Variants in JMY observed in about 807,000 individuals in gnomAD.
JMY encodes the protein junction-mediating and -regulatory protein.
Under a neutral mutation model 103.3 loss-of-function variants are expected in JMY, and 46 were observed. That is an observed-to-expected ratio of 0.45 (90% CI 0.35 to 0.57). The LOEUF (loss-of-function observed/expected upper bound fraction) is 0.57. Among genes scored for constraint, JMY ranks in the 20% least tolerant of loss-of-function variants. JMY has a pLI of 0.00. For synonymous variants in JMY, 526 were observed against 489.3 expected (o/e 1.07, Z -0.99); for missense variants, 1,238 against 1,255.2 (o/e 0.99, Z 0.21).
At chr5:79,310,218 A>C (rs1328231814) in intron 7 of JMY, among the ~76,000 whole-genome samples, 3 of 151,420 alleles carry the variant, frequency 2.0e-5, no homozygotes, top group African/African-American at 7.3e-5. Flanking sequence ...ACATGCCACC[A>C]CACCTGGCTA....
At chr5:79,317,538 A>G (rs1453556735) in intron 10 of JMY, among the ~76,000 whole-genome samples, 1 of 152,236 alleles carries the variant, frequency 6.6e-6, no homozygotes, top group Non-Finnish European at 1.5e-5. Flanking sequence ...TAAAATTTAT[A>G]GAGTATACAA....
At position 79,323,436 on chromosome 5, in the gene JMY, C is replaced by CTAT. The variant is rs1281615259; in HGVS notation, c.*1836_*1838dup. 1 of 152,128 alleles carries CTAT rather than the reference C, an allele frequency of 6.6e-6. No individual in the cohort carries two copies. Among genetic ancestry groups the CTAT allele is most frequent in the African/African-American group, 2.4e-5 (1 of 41,430 alleles). The allele number at this position is 152,128 out of a possible 1,614,324, so 9.4% of individuals were successfully genotyped here. A position where few individuals can be genotyped will look rare whatever the true frequency, so the allele number is the denominator to read the frequency against. On this transcript the variant is annotated 3_prime_UTR_variant, in exon 11 of 11. Coordinates refer to ENST00000396137, the MANE Select transcript of JMY (RefSeq NM_152405.5). ...ACAGCATGGGGGTGGTGATAGTGTC[C>CTAT]TATTTGCCCTTGGTAAAATATTAAA...
chr5:79,263,390 T>C (rs775587184), intron 1 of JMY, among the ~76,000 whole-genome samples: 24 of 151,864 alleles, frequency 1.6e-4, no homozygotes, highest in Non-Finnish European at 3.4e-4. Flanking sequence ...TACAAACAGG[T>C]TTTTTGATTT....
intron 7 of JMY, among the ~76,000 whole-genome samples, chr5:79,311,961 C>CAT (rs1258966104): frequency 4.6e-5 from 7 of 152,074 alleles, no homozygotes; most frequent in African/African-American, 1.7e-4. Flanking sequence ...GGATTACAGG[C>CAT]ATGCATCACC....
intron 7 of JMY, among the ~76,000 whole-genome samples, chr5:79,311,351 G>A (rs908261454): frequency 2.0e-5 from 3 of 152,040 alleles, no homozygotes; most frequent in Non-Finnish European, 4.4e-5. Flanking sequence ...TCTTGTTAGA[G>A]TTTATGATAC....
At position 79,292,587 on chromosome 5, in the gene JMY, C is replaced by T. The variant is rs574277622; in HGVS notation, c.1527+1288C>T. 2.0e-5 allele frequency among the ~76,000 whole-genome samples: 3 copies of T among 152,280 alleles called. No individual in the cohort carries two copies. The South Asian group carries it at 6.2e-4, about 32-fold the overall frequency. On this transcript the variant is annotated intron_variant, in intron 4 of 10. Coordinates refer to ENST00000396137, the MANE Select transcript of JMY (RefSeq NM_152405.5). ...CCTTCTGCATCTGTCTCCCAAGGTG[C>T]TGGAGTTAAGGTCCATGCCCAGCCC...
intron 1 of JMY, among the ~76,000 whole-genome samples, chr5:79,257,402 A>G (rs1231068754): frequency 3.9e-5 from 6 of 152,168 alleles, no homozygotes; most frequent in Non-Finnish European, 8.8e-5. Flanking sequence ...CAAGAGTTCA[A>G]GAGCAGCGTG....
intron 1 of JMY, among the ~76,000 whole-genome samples, chr5:79,254,086 A>G (rs1474156042): frequency 5.3e-5 from 8 of 150,324 alleles, no homozygotes; most frequent in African/African-American, 2.0e-4. Flanking sequence ...TAGCTGGATT[A>G]CAGGTGCCCA....
chr5:79,252,652 C>T (rs1012875925), intron 1 of JMY, among the ~76,000 whole-genome samples: 1 of 152,106 alleles, frequency 6.6e-6, no homozygotes, highest in African/African-American at 2.4e-5. Context: ...GTGTTAGGTG[C>T]ATATATATTT....
chr5:79,300,407 C>A, intron 5 of JMY, 89 bp downstream of exon 5: 1 of 1,321,268 alleles, frequency 7.6e-7, no homozygotes, highest in Non-Finnish European at 1.0e-6. Flanking sequence ...TTTGTTAAGA[C>A]ATTTAAAAAA....
At chr5:79,318,798 AGAGAGG>A (rs1294096708) in intron 10 of JMY, among the ~76,000 whole-genome samples, 1,204 of 22,238 alleles carry the variant, frequency 0.054, 19 homozygotes, top group African/African-American at 0.27. Flanking sequence ...AGAGAGAGAG[AGAGAGG>A]GATGCATATC....
intron 1 of JMY, among the ~76,000 whole-genome samples, chr5:79,270,468 T>C (rs1461905856): frequency 2.7e-5 from 2 of 73,450 alleles, no homozygotes; most frequent in Admixed American, 1.5e-4. Flanking sequence ...ATATTTAAAA[T>C]GTATATTTAC....
chr5:79,263,233 A>G (rs554539278), intron 1 of JMY, among the ~76,000 whole-genome samples: 13 of 152,288 alleles, frequency 8.5e-5, no homozygotes, highest in African/African-American at 2.9e-4. Context: ...GTATGTACAT[A>G]TTCTTGGAAG....
intron 1 of JMY, among the ~76,000 whole-genome samples, chr5:79,271,787 C>A (rs1007077995): frequency 6.6e-6 from 1 of 152,004 alleles, no homozygotes; most frequent in African/African-American, 2.4e-5. Flanking sequence ...GTTGTGTCTT[C>A]CTGATGAATT....
intron 1 of JMY, among the ~76,000 whole-genome samples, chr5:79,241,239 A>G (rs1161880002): frequency 6.6e-6 from 1 of 152,190 alleles, no homozygotes; most frequent in African/African-American, 2.4e-5. Context: ...GGCTTTGACA[A>G]TACCTTGGAA....
intron 1 of JMY, among the ~76,000 whole-genome samples, chr5:79,247,175 A>C (rs1164877911): frequency 6.6e-6 from 1 of 152,252 alleles, no homozygotes; most frequent in African/African-American, 2.4e-5. Flanking sequence ...CAGTGTCTCA[A>C]CAGTGGACAA....
chr5:79,279,417 C>T (rs572279829), intron 2 of JMY, among the ~76,000 whole-genome samples: 10 of 152,268 alleles, frequency 6.6e-5, no homozygotes, highest in African/African-American at 2.4e-4. Context: ...GATTTTATAG[C>T]TGACCTTAAA....
intron 10 of JMY, among the ~76,000 whole-genome samples, chr5:79,317,932 G>T (rs1188220095): frequency 1.3e-5 from 2 of 152,152 alleles, no homozygotes; most frequent in African/African-American, 2.4e-5. Context: ...TTGATCATAA[G>T]AATTAACTTG....
intron 6 of JMY, 87 bp downstream of exon 6, chr5:79,300,950 T>C: frequency 8.8e-7 from 1 of 1,141,450 alleles, no homozygotes; most frequent in Admixed American, 2.8e-5. Context: ...CTTGCTTATG[T>C]TTTAAAACTA....
Sources: allele counts gnomAD v4.1 joint callset (sites outside exome capture counted in the v4.1 genomes callset), GRCh38; gene constraint gnomAD v4.1.1; transcripts MANE v1.5; gene names NCBI Gene and HGNC (gene_info 2026-07-23, HGNC 2026-07-21).